The following C12orf56 variants were observed in gnomAD, a reference collection of about 807,000 sequenced individuals.
C12orf56 encodes the protein uncharacterized protein C12orf56.
A neutral mutation model predicts 69.9 loss-of-function variants in C12orf56; 71 were observed. The ratio of observed to expected loss-of-function variants is 1.02; its 90% CI spans 0.84 to 1.24. The LOEUF (loss-of-function observed/expected upper bound fraction) is 1.24. Among genes scored for constraint, C12orf56 ranks in the 50% most tolerant of loss-of-function variants. The pLI, the probability that C12orf56 is intolerant of heterozygous loss-of-function variation, is 0.00. For synonymous variants in C12orf56, 276 were observed against 274.1 expected, an observed-to-expected ratio of 1.01 and a Z score of -0.07; for missense variants, 732 against 738.5, an observed-to-expected ratio of 0.99 and a Z score of 0.10.
At chr12:64,295,307 T>G (rs573971432) in intron 6 of C12orf56, among the ~76,000 whole-genome samples, 3 of 152,352 alleles carry the variant, frequency 2.0e-5, no homozygotes, top group South Asian at 4.1e-4. Context: ...GATAACATGT[T>G]GAGCGAAACA....
At chr12:64,284,800 G>A (rs1198102172) in intron 7 of C12orf56, 47 bp from the exon 8 acceptor site, 1 of 1,410,700 alleles carries the variant, frequency 7.1e-7, no homozygotes, top group Non-Finnish European at 9.7e-7. Flanking sequence ...GATTTCATTA[G>A]AAGCTCAGAA....
At chr12:64,370,716 A>T (rs2039559393) in intron 1 of C12orf56, among the ~76,000 whole-genome samples, 1 of 152,242 alleles carries the variant, frequency 6.6e-6, no homozygotes, top group Non-Finnish European at 1.5e-5. Flanking sequence ...AAAAACTAGA[A>T]TAACTGAAAC....
At chr12:64,342,813 G>C (rs1400681587) in intron 2 of C12orf56, among the ~76,000 whole-genome samples, 1 of 152,202 alleles carries the variant, frequency 6.6e-6, no homozygotes, top group South Asian at 2.1e-4. Flanking sequence ...GCAGGGCCTT[G>C]CTCCAAAATC....
At chr12:64,346,519 T>C (rs1407566975) in intron 2 of C12orf56, among the ~76,000 whole-genome samples, 2 of 152,204 alleles carry the variant, frequency 1.3e-5, no homozygotes, top group Admixed American at 6.5e-5. Flanking sequence ...TTAATCATCA[T>C]AGTGCCCAAC....
At chr12:64,273,058 G>A (rs920062083) in intron 11 of C12orf56, among the ~76,000 whole-genome samples, 5 of 152,144 alleles carry the variant, frequency 3.3e-5, no homozygotes, top group African/African-American at 9.7e-5. Flanking sequence ...AATTTGGGAG[G>A]CCAAGGTGGA....
At chr12:64,346,680 C>G (rs1476442994) in intron 2 of C12orf56, among the ~76,000 whole-genome samples, 1 of 152,084 alleles carries the variant, frequency 6.6e-6, no homozygotes, top group African/African-American at 2.4e-5. Flanking sequence ...TTCTAACTCT[C>G]TAATCACATG....
intron 2 of C12orf56, among the ~76,000 whole-genome samples, chr12:64,334,564 A>T (rs2038969307): frequency 6.6e-6 from 1 of 152,154 alleles, no homozygotes; most frequent in African/African-American, 2.4e-5. Flanking sequence ...GTTATACTGT[A>T]TTGTTTAGGG....
rs2037911805 is a variant in C12orf56 at position 64,265,439 on chromosome 12, G to C, written c.*1744C>G. 6.6e-6 allele frequency: 1 copy of C among 152,224 alleles called. No homozygotes were observed. The highest frequency in any genetic ancestry group is 6.5e-5 in the Admixed American group (1 of 15,276). The allele number at this position is 152,224 out of a possible 1,614,324, so 9.4% of individuals were successfully genotyped here. ...AGTGCAAAATCATCCACTGAGCCGA[G>C]ATAGCAGAGAAACACACTACTCCAT... On this transcript the variant is annotated 3_prime_UTR_variant, in exon 13 of 13. Coordinates refer to ENST00000543942, the MANE Select transcript of C12orf56 (RefSeq NM_001170633.2).
intron 1 of C12orf56, among the ~76,000 whole-genome samples, chr12:64,361,333 G>C (rs1056645315): frequency 6.6e-6 from 1 of 152,176 alleles, no homozygotes; most frequent in East Asian, 1.9e-4. Flanking sequence ...TCTTGAATAA[G>C]GGCTGCGTAA....
intron 8 of C12orf56, among the ~76,000 whole-genome samples, chr12:64,283,085 T>C (rs2038153184): frequency 6.6e-6 from 1 of 151,754 alleles, no homozygotes; most frequent in Non-Finnish European, 1.5e-5. Flanking sequence ...GAGATTGCCA[T>C]GAGCCAAGAT....
intron 1 of C12orf56, among the ~76,000 whole-genome samples, chr12:64,372,422 T>C (rs887892970): frequency 3.3e-5 from 5 of 152,240 alleles, no homozygotes; most frequent in African/African-American, 9.6e-5. Flanking sequence ...TTGCGAACTA[T>C]GTCTGACTAC....
intron 2 of C12orf56, among the ~76,000 whole-genome samples, chr12:64,337,869 A>G (rs1489752537): frequency 6.6e-6 from 1 of 151,808 alleles, no homozygotes; most frequent in East Asian, 1.9e-4. Flanking sequence ...AAAAAAAAAA[A>G]AAAAACACCA....
At chr12:64,366,283 A>T (rs62652088) in intron 1 of C12orf56, among the ~76,000 whole-genome samples, 235 of 16,666 alleles carry the variant, frequency 0.014, 8 homozygotes, top group Non-Finnish European at 0.024. Context: ...TATTATATAT[A>T]ATATACAGTT....
At chr12:64,365,776 TAATA>T (rs1222299369) in intron 1 of C12orf56, among the ~76,000 whole-genome samples, 2 of 142,346 alleles carry the variant, frequency 1.4e-5, no homozygotes, top group East Asian at 2.0e-4. Flanking sequence ...ATAATACATA[TAATA>T]AATATATAAT....
chr12:64,282,869 C>T (rs1489598443), intron 8 of C12orf56, among the ~76,000 whole-genome samples: 2 of 151,934 alleles, frequency 1.3e-5, no homozygotes, highest in Non-Finnish European at 2.9e-5. Flanking sequence ...TGAGGCCGGG[C>T]GTGGTGGCTC....
chr12:64,352,606 G>A (rs1158801001), intron 2 of C12orf56, among the ~76,000 whole-genome samples: 2 of 152,188 alleles, frequency 1.3e-5, no homozygotes, highest in South Asian at 2.1e-4. Context: ...GCCTTGTGCA[G>A]GAGGATGAGC....
intron 8 of C12orf56, among the ~76,000 whole-genome samples, 157 bp from the exon 9 acceptor site, chr12:64,277,960 A>G (rs2038075710): frequency 6.6e-6 from 1 of 152,224 alleles, no homozygotes; most frequent in Admixed American, 6.5e-5. Flanking sequence ...ACGCAAATGA[A>G]TAACTAGAGA....
intron 1 of C12orf56, among the ~76,000 whole-genome samples, chr12:64,364,850 G>A (rs1592491071): frequency 6.6e-6 from 1 of 151,984 alleles, no homozygotes; most frequent in African/African-American, 2.4e-5. Context: ...GCCGTTGGCT[G>A]CCTAGACCAC....
chr12:64,326,812 A>G (rs78146578), intron 3 of C12orf56, among the ~76,000 whole-genome samples: 4,697 of 152,176 alleles, frequency 0.031, 243 homozygotes, highest in African/African-American at 0.11. Context: ...AATTTAGAGG[A>G]AGAACAAGGA....
Sources: gnomAD v4.1 joint callset for allele counts (sites outside exome capture counted in the v4.1 genomes callset) on GRCh38, gnomAD v4.1.1 for gene constraint, MANE v1.5 for transcripts, NCBI Gene and HGNC (gene_info 2026-07-23, HGNC 2026-07-21) for gene names.